CFAP100: variants seen among roughly 807,000 people sequenced by gnomAD.
The protein encoded by CFAP100 is cilia and flagella associated protein 100.
A neutral mutation model predicts 81.5 loss-of-function variants in CFAP100; 70 were observed. The ratio of observed to expected loss-of-function variants is 0.86; its 90% CI spans 0.71 to 1.05. CFAP100 has a LOEUF of 1.05. CFAP100 is among the 50% of genes least tolerant of loss of function. CFAP100 has a pLI of 0.00. For synonymous variants in CFAP100, 341 were observed against 314.8 expected, an observed-to-expected ratio of 1.08 and a Z score of -0.88; for missense variants, 811 against 776.5, an observed-to-expected ratio of 1.04 and a Z score of -0.53.
At position 126,436,368 on chromosome 3, in the gene CFAP100, CAAG is replaced by C. The variant is rs746114500; in HGVS notation, c.1801_1803del (p.Lys601del). On this transcript the variant is annotated inframe_deletion, in exon 17 of 17. Coordinates refer to ENST00000352312, the MANE Select transcript of CFAP100 (RefSeq NM_182628.3). ...AACAGTCTGAGCACACACTGATGGACAAGGAGGAGGAGGAGCTGCTATTTTTCT... is the reference window on the plus strand; with the variant it reads ...AACAGTCTGAGCACACACTGATGGACGAGGAGGAGGAGCTGCTATTTTTCT... 6.8e-5 allele frequency: 110 copies of C among 1,614,018 alleles called. No individual in the cohort carries two copies. Among genetic ancestry groups the C allele is most frequent in the Non-Finnish European group, 8.5e-5 (100 of 1,180,004 alleles).
Position 126,435,598 on chromosome 3 carries a change from G to A in CFAP100, c.1668G>A (p.Gln556=). 1 of 1,612,726 alleles carries A rather than the reference G, an allele frequency of 6.2e-7. No individual in the cohort carries two copies. The highest frequency in any genetic ancestry group is 8.5e-7 in the Non-Finnish European group (1 of 1,179,004). Reference sequence around the variant, plus strand: ...AGCTCCAGATGCAAAAGATCCTACAGGAGGAGCATCTGCAGCGGGCCCGGG... The same window carrying A: ...AGCTCCAGATGCAAAAGATCCTACAAGAGGAGCATCTGCAGCGGGCCCGGG... ...EEKLQMQKIL[Q]EEHLQRARAR... Residue 556 remains glutamine (Q), a synonymous_variant, in exon 16 of 17, where the codon CAG becomes CAA. Coordinates refer to ENST00000352312, the MANE Select transcript of CFAP100 (RefSeq NM_182628.3).
intron 13 of CFAP100, among the ~76,000 whole-genome samples, chr3:126,427,917 G>A (rs528661072): frequency 1.3e-5 from 2 of 152,318 alleles, no homozygotes; most frequent in South Asian, 4.1e-4. Context: ...GCAGCAGCAA[G>A]AGAATGGGAG....
Position 126,433,259 on chromosome 3 carries a change from AC to A in CFAP100, c.1422+58del. On this transcript the variant is annotated intron_variant, in intron 14 of 16. Coordinates refer to ENST00000352312, the MANE Select transcript of CFAP100 (RefSeq NM_182628.3). ...CCAGGGTAAGGAGGGACCCTTGGGC[AC>A]CCACTGGAGGAGCCCTGACAGCCCT... is the stretch of plus-strand genomic sequence containing the variant. The A allele has an allele frequency of 6.3e-6, 10 of 1,597,908 alleles. No homozygotes were observed. In the Middle Eastern group the frequency reaches 5.3e-4, roughly 84 times the overall value.
intron 7 of CFAP100, 111 bp from the exon 8 acceptor site, chr3:126,418,965 T>C (rs1230974901): frequency 2.0e-6 from 2 of 986,124 alleles, no homozygotes; most frequent in East Asian, 5.2e-5. Context: ...TCCAGCCCTG[T>C]CCGGAGCCGG....
chr3:126,405,107 A>T (rs2083043984), intron 2 of CFAP100, among the ~76,000 whole-genome samples: 1 of 151,958 alleles, frequency 6.6e-6, no homozygotes, highest in South Asian at 2.1e-4. Flanking sequence ...CCATCTCAGA[A>T]CTCTTCTCAT....
chr3:126,395,711 G>A (rs765849351), intron 1 of CFAP100, among the ~76,000 whole-genome samples: 43 of 152,184 alleles, frequency 2.8e-4, no homozygotes, highest in Admixed American at 8.5e-4. Context: ...CGAGGAGGCC[G>A]AAAATGCAAA....
intron 3 of CFAP100, among the ~76,000 whole-genome samples, chr3:126,413,405 G>A (rs966098596): frequency 3.9e-5 from 6 of 152,352 alleles, no homozygotes; most frequent in Admixed American, 1.3e-4. Context: ...GGGGGTTGGG[G>A]TTGGGCTGGT....
chr3:126,423,544 G>C lies in CFAP100; in HGVS notation c.1186G>C (p.Glu396Gln), dbSNP rs765553202. 1.8e-5 allele frequency: 29 copies of C among 1,614,066 alleles called. No individual in the cohort carries two copies. The highest frequency in any genetic ancestry group is 5.1e-6 in the Non-Finnish European group (6 of 1,180,040). ...CCAGCAGCTCCTGGATGTCTTCCGA[G>C]AGCTGGAGGAGCAGAACCTGTCGCT... is the stretch of plus-strand genomic sequence containing the variant. The part of the protein sequence containing the change: ...EPQQLLDVFR[E>Q]LEEQNLSLIQ... Residue 396 changes from glutamate to glutamine, a missense_variant, in exon 13 of 17, where the codon GAG (glutamate) becomes CAG (glutamine). Transcript: ENST00000352312.
At chr3:126,420,066 G>A (rs780750708) in intron 10 of CFAP100, 37 bp from the exon 11 acceptor site, 2 of 1,613,258 alleles carry the variant, frequency 1.2e-6, no homozygotes, top group South Asian at 2.2e-5. Flanking sequence ...GCTCTGCCCT[G>A]CACAGGGCTC....
chr3:126,427,498 C>G (rs979844815), intron 13 of CFAP100, among the ~76,000 whole-genome samples: 1 of 151,782 alleles, frequency 6.6e-6, no homozygotes, highest in Non-Finnish European at 1.5e-5. Context: ...CCCTCAGTGC[C>G]GTGTCTGTAT....
At position 126,420,030 on chromosome 3, in the gene CFAP100, C is replaced by T; in HGVS notation, c.955+9C>T. ...CTCCATGTGGGCCAAAGGTGAGCTG[C>T]CGCCCCCAGCCTGAGGAGGAGCCTG... On this transcript the variant is annotated intron_variant, in intron 10 of 16. Coordinates refer to ENST00000352312, the MANE Select transcript of CFAP100 (RefSeq NM_182628.3). 1 of 1,613,196 alleles carries T rather than the reference C, an allele frequency of 6.2e-7. No homozygotes were observed. The highest frequency in any genetic ancestry group is 8.5e-7 in the Non-Finnish European group (1 of 1,179,974).
chr3:126,436,400 C>T lies in CFAP100; in HGVS notation c.1832C>T (p.Thr611Ile), dbSNP rs777251793. Residue 611 changes from threonine (T) to isoleucine (I), a missense_variant, in exon 17 of 17, where the codon ACT becomes ATT. Transcript: ENST00000352312. ...KEEEELLFFF[T>I] ...GAGGAGGAGCTGCTATTTTTCTTTACTTAATCTTCGCAGACCATAGCTGTT... is the reference window on the plus strand; with the variant it reads ...GAGGAGGAGCTGCTATTTTTCTTTATTTAATCTTCGCAGACCATAGCTGTT... 1.2e-6 allele frequency: 2 copies of T among 1,611,800 alleles called. No homozygotes were observed. The highest frequency in any genetic ancestry group is 2.2e-5 in the East Asian group (1 of 44,842).
In CFAP100 at chr3:126,401,400, TATATATATATATATA is replaced by T. The variant is rs2082978401; in HGVS notation, c.49+5352_49+5366del. 3.2e-3 allele frequency among the ~76,000 whole-genome samples: 133 copies of T among 40,986 alleles called. 3 individuals carry two copies. The highest frequency in any genetic ancestry group is 0.023 in the Middle Eastern group (2 of 86). 26.9% of individuals were successfully genotyped at this position (40,986 alleles called of 152,430 possible). On this transcript the variant is annotated intron_variant, in intron 2 of 16. Coordinates refer to ENST00000352312, the MANE Select transcript of CFAP100 (RefSeq NM_182628.3). ...GCATAAAATGGCAAATCGTATTTTA[TATATATATATATATA>T]TATATATATATATATATATATATAT...
chr3:126,416,718 T>C lies in CFAP100; in HGVS notation c.418+210T>C. The C allele has an allele frequency of 9.8e-6, 5 of 509,036 alleles. No individual in the cohort carries two copies. In the South Asian group the frequency reaches 1.6e-4, roughly 16 times the overall value. 31.5% of individuals were successfully genotyped at this position (509,036 alleles called of 1,614,324 possible). On this transcript the variant is annotated intron_variant, in intron 5 of 16. Transcript: ENST00000352312. ...GATTGCAAACCTAAGAGCTTTTCAA[T>C]CCTAATAGAATAGTTCCCCACCTTA...
intron 13 of CFAP100, among the ~76,000 whole-genome samples, chr3:126,426,796 G>A (rs542464187): frequency 1.5e-4 from 23 of 152,242 alleles, no homozygotes; most frequent in Admixed American, 1.4e-3. Context: ...GAACTAATAA[G>A]CTGTTATAGC....
chr3:126,434,508 C>A, intron 15 of CFAP100, 127 bp downstream of exon 15: 2 of 928,290 alleles, frequency 2.2e-6, no homozygotes, highest in Non-Finnish European at 3.2e-6. Flanking sequence ...CTATGAGAGA[C>A]AAAAGCCCAT....
At chr3:126,405,403 C>T (rs1450019595) in intron 2 of CFAP100, among the ~76,000 whole-genome samples, 1 of 152,212 alleles carries the variant, frequency 6.6e-6, no homozygotes, top group Non-Finnish European at 1.5e-5. Context: ...TGGCTCACAC[C>T]TATAATCCCA....
intron 15 of CFAP100, 159 bp downstream of exon 15, chr3:126,434,540 G>C: frequency 2.9e-6 from 2 of 701,608 alleles, no homozygotes; most frequent in Non-Finnish European, 4.6e-6. Flanking sequence ...ATCTAGAGGG[G>C]CATCACAGTC....
rs2083125845 is a variant in CFAP100 at position 126,409,767 on chromosome 3, G to C, written c.130+2515G>C. On this transcript the variant is annotated intron_variant, in intron 3 of 16. Coordinates refer to ENST00000352312, the MANE Select transcript of CFAP100 (RefSeq NM_182628.3). ...GTTTCCATCTTCTGCCCACTTGTTT[G>C]TTGCATTGCCTGTTTATTTTAACGA... Among the ~76,000 whole-genome samples, 3 of 152,200 alleles carry C rather than the reference G, an allele frequency of 2.0e-5. No individual in the cohort carries two copies. In the South Asian group the frequency reaches 6.2e-4, roughly 31 times the overall value.
Sources: gnomAD v4.1 joint callset for allele counts (sites outside exome capture counted in the v4.1 genomes callset) on GRCh38, gnomAD v4.1.1 for gene constraint, MANE v1.5 for transcripts, NCBI Gene and HGNC (gene_info 2026-07-23, HGNC 2026-07-21) for gene names.